The following RRM2 variants were observed in gnomAD, a reference collection of about 807,000 sequenced individuals.
The protein encoded by RRM2 is ribonucleotide reductase regulatory subunit M2.
RRM2 carries 6 observed loss-of-function variants against 45.9 expected under a neutral mutation model. The observed-to-expected ratio is 0.13, with a 90% CI of 0.07 to 0.26. The LOEUF (loss-of-function observed/expected upper bound fraction) is 0.26, where lower values mean the gene tolerates loss of function less well. Among genes scored for constraint, RRM2 ranks in the 10% least tolerant of loss-of-function variants. RRM2 has a pLI of 1.00. For synonymous variants in RRM2, 177 were observed against 173.0 expected, an observed-to-expected ratio of 1.02 and a Z score of -0.18; for missense variants, 343 against 489.5, an observed-to-expected ratio of 0.70 and a Z score of 2.82.
chr2:10,173,785 G>A (rs893854911), intron 3 of RRM2, among the ~76,000 whole-genome samples: 7 of 152,252 alleles, frequency 4.6e-5, no homozygotes, highest in African/African-American at 1.4e-4. Flanking sequence ...GAGGGCCTGC[G>A]TCTTCCGGGC....
At position 10,199,800 on chromosome 2, in the gene RRM2, A is replaced by AAAAAAAAAC. The variant is rs1664506597; in HGVS notation, n.483-10503_483-10502insCAAAAAAAA. Among the ~76,000 whole-genome samples, 77 of 97,888 alleles carry AAAAAAAAAC rather than the reference A, an allele frequency of 7.9e-4. 9 individuals are homozygous for AAAAAAAAAC. Among genetic ancestry groups the AAAAAAAAAC allele is most frequent in the East Asian group, 1.2e-3 (3 of 2,548 alleles). The allele number at this position is 97,888 out of a possible 152,430, so 64.2% of individuals were successfully genotyped here. ...GTCTCAAAAAAAAAAAAAAAAAAAA[A>AAAAAAAAAC]AAAAAAAAACAAATCATGGTATGAC... On this transcript the variant is annotated intron_variant and non_coding_transcript_variant, in intron 3 of 3. Coordinates refer to the RRM2 transcript ENST00000381786.
intron 3 of RRM2, among the ~76,000 whole-genome samples, chr2:10,158,262 G>A (rs575460215): frequency 6.6e-6 from 1 of 152,222 alleles, no homozygotes; most frequent in African/African-American, 2.4e-5. Flanking sequence ...AGTGGGTGAG[G>A]GGGTGATACA....
intron 3 of RRM2, among the ~76,000 whole-genome samples, chr2:10,201,361 G>C (rs1209894665): frequency 6.6e-6 from 1 of 152,140 alleles, no homozygotes; most frequent in Non-Finnish European, 1.5e-5. Flanking sequence ...AAGCCTCTTT[G>C]ACTCTGAAAA....
rs1282631690 is a variant in RRM2 at position 10,185,077 on chromosome 2, C to G, written n.483-25234C>G. On this transcript the variant is annotated intron_variant and non_coding_transcript_variant, in intron 3 of 3. Transcript: ENST00000381786. This position sits in a 1 kb window ranked among gnomAD's most constrained non-coding sequence, Gnocchi z 4.3. The stretch of plus-strand genomic sequence containing the variant: ...ATAAAAATGAATATTTATAGCAAAT[C>G]CTGTAGGATGCGGTAGATTTGGAAG... 6.6e-6 allele frequency among the ~76,000 whole-genome samples: 1 copy of G among 152,170 alleles called. No individual in the cohort carries two copies. The highest frequency in any genetic ancestry group is 2.4e-5 in the African/African-American group (1 of 41,434).
intron 3 of RRM2, among the ~76,000 whole-genome samples, chr2:10,199,592 T>C (rs1190472081): frequency 2.6e-5 from 4 of 151,558 alleles, no homozygotes; most frequent in African/African-American, 4.8e-5. Flanking sequence ...CCATCCTGGC[T>C]AACACAGTGA....
rs1313212042 is a variant in RRM2 at position 10,130,795 on chromosome 2, A to G, written c.*1409A>G. 1.3e-5 allele frequency: 2 copies of G among 151,944 alleles called. No individual in the cohort carries two copies. Among genetic ancestry groups the G allele is most frequent in the African/African-American group, 4.8e-5 (2 of 41,320 alleles). 9.4% of individuals were successfully genotyped at this position (151,944 alleles called of 1,614,324 possible). A position where few individuals can be genotyped will look rare whatever the true frequency, so the allele number is the denominator to read the frequency against. On this transcript the variant is annotated 3_prime_UTR_variant, in exon 10 of 10. Coordinates refer to ENST00000304567, the MANE Select transcript of RRM2 (RefSeq NM_001034.4). ...CAGGTATGTGCTACCACACCTGGCT[A>G]ATTTTTGTATTTTTAGTAGAGATGG...
chr2:10,139,455 G>A (rs1335361901), upstream of RRM2, among the ~76,000 whole-genome samples: 1 of 152,216 alleles, frequency 6.6e-6, no homozygotes, highest in East Asian at 1.9e-4. Flanking sequence ...ATTAAAAAGA[G>A]ACTTGTGGGG....
intron 4 of RRM2, 76 bp from the exon 5 acceptor site, chr2:10,124,641 G>A (rs1459461467): frequency 6.6e-7 from 1 of 1,512,252 alleles, no homozygotes; most frequent in South Asian, 1.2e-5. Flanking sequence ...CAAAGAGTGC[G>A]ATGCTGCCAG....
At chr2:10,191,218 T>C (rs1032312895) in intron 3 of RRM2, among the ~76,000 whole-genome samples, 2 of 152,126 alleles carry the variant, frequency 1.3e-5, no homozygotes, top group Non-Finnish European at 2.9e-5. Flanking sequence ...TATCAGCCCC[T>C]AGGGGTTGGC....
chr2:10,196,624 C>G (rs1251849899), intron 3 of RRM2, among the ~76,000 whole-genome samples: 2 of 152,130 alleles, frequency 1.3e-5, no homozygotes, highest in South Asian at 2.1e-4. Flanking sequence ...CCATGGGGGG[C>G]CGGGCTCCGG....
In RRM2 at chr2:10,131,410, T is replaced by C. The variant is rs1225446784; in HGVS notation, c.*2024T>C. On this transcript the variant is annotated 3_prime_UTR_variant, in exon 10 of 10. Transcript: ENST00000304567. ...AGTGATTAAAATAAAACTGTTCTTA[T>C]GTCAGTTTCTTGATTGGTAAAATTT... 3 of 150,672 alleles carry C rather than the reference T, an allele frequency of 2.0e-5. No homozygotes were observed. The highest frequency in any genetic ancestry group is 7.4e-5 in the African/African-American group (3 of 40,330). 9.3% of individuals were successfully genotyped at this position (150,672 alleles called of 1,614,324 possible).
chr2:10,201,142 C>A (rs1374807173), intron 3 of RRM2, among the ~76,000 whole-genome samples: 8 of 140,322 alleles, frequency 5.7e-5, no homozygotes, highest in Non-Finnish European at 1.1e-4. Flanking sequence ...GAGCAAGATT[C>A]CATCTCAAAA....
At position 10,158,752 on chromosome 2, in the gene RRM2, A is replaced by G. The variant is rs570831170; in HGVS notation, n.482+16377A>G. Among the ~76,000 whole-genome samples, 64 of 152,220 alleles carry G rather than the reference A, an allele frequency of 4.2e-4. 1 individual carries two copies. In the South Asian group the frequency reaches 0.012, roughly 28 times the overall value. Reference sequence around the variant, plus strand: ...ATAAGCAGCCAAGCGGGAGACTGGCATGGGGGCCGGGGCCGTGCTCTGAGG... The same window carrying G: ...ATAAGCAGCCAAGCGGGAGACTGGCGTGGGGGCCGGGGCCGTGCTCTGAGG... On this transcript the variant is annotated intron_variant and non_coding_transcript_variant, in intron 3 of 3. Transcript: ENST00000381786.
chr2:10,140,833 T>C (rs1280512349), upstream of RRM2, among the ~76,000 whole-genome samples: 1 of 152,128 alleles, frequency 6.6e-6, no homozygotes, highest in African/African-American at 2.4e-5. Flanking sequence ...AATTTTCCTA[T>C]AATGTTCTTA....
intron 3 of RRM2, among the ~76,000 whole-genome samples, chr2:10,174,998 A>C (rs1209347985): frequency 6.6e-6 from 1 of 152,258 alleles, no homozygotes; most frequent in Middle Eastern, 3.2e-3. Flanking sequence ...AAATATACCC[A>C]GAAAGTCCCT....
At chr2:10,144,869 G>A (rs554965971) in intron 3 of RRM2, among the ~76,000 whole-genome samples, 36 of 152,278 alleles carry the variant, frequency 2.4e-4, no homozygotes, top group Admixed American at 5.9e-4. Context: ...TGCCCACTGG[G>A]GGAAGGGCGG....
chr2:10,133,763 A>C (rs1014306502), downstream of RRM2, among the ~76,000 whole-genome samples: 4 of 149,120 alleles, frequency 2.7e-5, no homozygotes, highest in African/African-American at 1.0e-4. Context: ...CTTAAGGTTC[A>C]GTAGTCATGT....
intron 3 of RRM2, among the ~76,000 whole-genome samples, chr2:10,181,905 C>T (rs1387434171): frequency 6.6e-6 from 1 of 150,988 alleles, no homozygotes; most frequent in African/African-American, 2.4e-5. Flanking sequence ...GCTGGGACTA[C>T]AGGAGTGAGC....
upstream of RRM2, among the ~76,000 whole-genome samples, chr2:10,139,033 G>T (rs758307627): frequency 6.6e-6 from 1 of 152,170 alleles, no homozygotes; most frequent in Non-Finnish European, 1.5e-5. Flanking sequence ...GCTTGAGCCC[G>T]GGAGGTGGCG....
Sources: allele counts gnomAD v4.1 joint callset (sites outside exome capture counted in the v4.1 genomes callset), GRCh38; gene constraint gnomAD v4.1.1; non-coding constraint Gnocchi (gnomAD v3.1); transcripts MANE v1.5; gene names NCBI Gene and HGNC (gene_info 2026-07-23, HGNC 2026-07-21).